The following LPIN2 variants were observed in gnomAD, a reference collection of about 807,000 sequenced individuals.
LPIN2 encodes lipin 2.
A neutral mutation model predicts 111.4 loss-of-function variants in LPIN2; 55 were observed. That is an observed-to-expected ratio of 0.49 (90% CI 0.40 to 0.62). LPIN2 has a LOEUF of 0.62. Among genes scored for constraint, LPIN2 ranks in the 20% least tolerant of loss-of-function variants. The pLI is 0.00. For synonymous variants in LPIN2, 425 were observed against 414.0 expected (o/e 1.03, Z -0.32); for missense variants, 992 against 1,112.1 (o/e 0.89, Z 1.54).
rs754948571 is a variant in LPIN2, at chr18:2,929,208, A to G, written c.1457-50T>C. On this transcript the variant is annotated intron_variant, in intron 9 of 19. Coordinates refer to ENST00000677752, the MANE Select transcript of LPIN2 (RefSeq NM_001375808.2). Reference sequence around the variant, plus strand: ...TTGGTTAGAGATTACATAAATCCCTATATGAGATTATAATACTCTCTGCAT... The same window carrying G: ...TTGGTTAGAGATTACATAAATCCCTGTATGAGATTATAATACTCTCTGCAT... 2.7e-6 allele frequency: 3 copies of G among 1,131,870 alleles called. No individual in the cohort carries two copies. The South Asian group carries it at 3.7e-5, about 14-fold the overall frequency. The allele number at this position is 1,131,870 out of a possible 1,614,324, so 70.1% of individuals were successfully genotyped here.
At chr18:2,929,682 G>A (rs896806954) in intron 9 of LPIN2, among the ~76,000 whole-genome samples, 4 of 152,176 alleles carry the variant, frequency 2.6e-5, no homozygotes, top group South Asian at 2.1e-4. Context: ...GATGTGGGCC[G>A]ATCACTTGAG....
intron 1 of LPIN2, among the ~76,000 whole-genome samples, chr18:2,963,529 T>C (rs967707493): frequency 6.6e-6 from 1 of 151,970 alleles, no homozygotes; most frequent in Admixed American, 6.5e-5. Flanking sequence ...TATTTTATCA[T>C]GAATGATGAG....
intron 19 of LPIN2, among the ~76,000 whole-genome samples, 164 bp from the exon 20 acceptor site, chr18:2,920,601 A>G (rs1026510626): frequency 1.3e-5 from 2 of 152,168 alleles, no homozygotes; most frequent in Admixed American, 1.3e-4. Context: ...CAAGTCTAGG[A>G]TAACCAGAGA....
Position 2,931,592 on chromosome 18 carries a change from AG to A in LPIN2, c.1269-150del, listed in dbSNP as rs1598532130. 24 of 745,662 alleles carry A rather than the reference AG, an allele frequency of 3.2e-5. No individual in the cohort carries two copies. In the East Asian group the frequency reaches 6.2e-4, roughly 19 times the overall value. 46.2% of individuals were successfully genotyped at this position (745,662 alleles called of 1,614,324 possible). On this transcript the variant is annotated intron_variant, in intron 8 of 19. Coordinates refer to ENST00000677752, the MANE Select transcript of LPIN2 (RefSeq NM_001375808.2). Reference sequence around the variant, plus strand: ...CAATCAGGCATAACTTTTCTTAGATAGGGTTTAGAATCATATCATAAATGAC... The same window carrying A: ...CAATCAGGCATAACTTTTCTTAGATAGGTTTAGAATCATATCATAAATGAC...
chr18:2,931,413 G>A lies in LPIN2; in HGVS notation c.1299C>T (p.Pro433=), dbSNP rs781673368. 24 of 1,602,818 alleles carry A rather than the reference G, an allele frequency of 1.5e-5. No homozygotes were observed. The highest frequency in any genetic ancestry group is 8.0e-5 in the African/African-American group (6 of 74,750). The change falls in exon 9 of 20, where the codon CCC becomes CCT. Residue 433 remains proline, a synonymous_variant. Coordinates refer to ENST00000677752, the MANE Select transcript of LPIN2 (RefSeq NM_001375808.2). ...GGGAGCCAGAGAGTGTGTCAGACTC[G>A]GGCCACTGCCTGGAACCGGGCTCCG... ...SESEPGSRQW[P]ESDTLSGSQS...
At chr18:2,937,563 AAAAAAAAAG>A in intron 7 of LPIN2, 120 bp downstream of exon 7, 2 of 708,188 alleles carry the variant, frequency 2.8e-6, no homozygotes, top group Non-Finnish European at 2.3e-6. Context: ...AAAAAAAAAA[AAAAAAAAAG>A]TGCGACGGGT....
chr18:2,923,972 G>C (rs1350839407), intron 15 of LPIN2, 111 bp from the exon 16 acceptor site: 1 of 861,420 alleles, frequency 1.2e-6, no homozygotes, highest in Non-Finnish European at 1.9e-6. Flanking sequence ...GGACACTCTT[G>C]AAAGGGGATT....
At chr18:2,922,447 T>C (rs2077069369) in intron 16 of LPIN2, among the ~76,000 whole-genome samples, 1 of 152,068 alleles carries the variant, frequency 6.6e-6, no homozygotes, top group South Asian at 2.1e-4. Context: ...GCTTAATTTT[T>C]ATATTTTTTA....
chr18:2,963,461 G>T (rs1008128204), intron 1 of LPIN2, among the ~76,000 whole-genome samples: 1 of 151,946 alleles, frequency 6.6e-6, no homozygotes, highest in African/African-American at 2.4e-5. Flanking sequence ...GATACACAAT[G>T]ATGTAACCCA....
intron 5 of LPIN2, among the ~76,000 whole-genome samples, chr18:2,940,403 A>C (rs1238937159): frequency 2.0e-5 from 3 of 152,238 alleles, no homozygotes; most frequent in Admixed American, 2.0e-4. Context: ...ACAACTGGCC[A>C]ACACTGTTAG....
intron 4 of LPIN2, among the ~76,000 whole-genome samples, chr18:2,941,498 C>T (rs952206774): frequency 2.6e-5 from 4 of 152,194 alleles, no homozygotes; most frequent in African/African-American, 9.7e-5. Flanking sequence ...TTGAAAACAT[C>T]CCTCAGAAGC....
intron 1 of LPIN2, among the ~76,000 whole-genome samples, chr18:3,007,167 T>G (rs111832840): frequency 0.048 from 7,322 of 152,216 alleles, 570 homozygotes; most frequent in African/African-American, 0.17. Flanking sequence ...TAGTTAGTTA[T>G]TTATTTTTAT....
intron 1 of LPIN2, among the ~76,000 whole-genome samples, chr18:2,968,800 T>G (rs1246058491): frequency 1.3e-5 from 2 of 152,108 alleles, no homozygotes; most frequent in African/African-American, 4.8e-5. Context: ...GGGCAATGGG[T>G]GCAATCAGTG....
chr18:3,001,641 T>C (rs776860873), intron 1 of LPIN2, among the ~76,000 whole-genome samples: 5 of 152,082 alleles, frequency 3.3e-5, no homozygotes, highest in African/African-American at 1.2e-4. Flanking sequence ...CAGTAGTGTA[T>C]GCATACAAGC....
In LPIN2 at chr18:2,954,542, C is replaced by T. The variant is rs1568565424; in HGVS notation, c.250G>A (p.Gly84Arg). The change falls in exon 3 of 20, where the codon GGA becomes AGA. Residue 84 changes from glycine to arginine, a missense_variant. Coordinates refer to ENST00000677752, the MANE Select transcript of LPIN2 (RefSeq NM_001375808.2). ...VDLHMKLGDN[G>R]EAFFVEETEE... ...GTCTCCTCAACAAAGAAAGCTTCTC[C>T]GTTATCACCCAACTTCATGTGAAGA... 2.5e-6 allele frequency: 4 copies of T among 1,613,976 alleles called. No homozygotes were observed. Among genetic ancestry groups the T allele is most frequent in the East Asian group, 2.2e-5 (1 of 44,884 alleles).
chr18:2,954,889 A>G (rs1001760737), intron 2 of LPIN2, among the ~76,000 whole-genome samples: 2 of 151,692 alleles, frequency 1.3e-5, no homozygotes, highest in African/African-American at 2.4e-5. Flanking sequence ...GGGAAATATT[A>G]TTGTCAAACA....
At chr18:2,995,919 T>C (rs1050703899) in intron 1 of LPIN2, among the ~76,000 whole-genome samples, 8 of 152,232 alleles carry the variant, frequency 5.3e-5, no homozygotes, top group African/African-American at 1.9e-4. Context: ...TGTAAGTTTC[T>C]GGTCATATTC....
chr18:2,939,102 A>T (rs944201179), intron 6 of LPIN2, among the ~76,000 whole-genome samples: 2 of 152,246 alleles, frequency 1.3e-5, no homozygotes, highest in African/African-American at 4.8e-5. Context: ...TTAAGGCTGC[A>T]GTGAGTTGTG....
intron 1 of LPIN2, among the ~76,000 whole-genome samples, chr18:2,972,194 A>C (rs1475977332): frequency 6.6e-6 from 1 of 152,194 alleles, no homozygotes; most frequent in African/African-American, 2.4e-5. Flanking sequence ...AACTTGCATA[A>C]ATCTAGTCTA....
Sources: gnomAD v4.1 joint callset for allele counts (sites outside exome capture counted in the v4.1 genomes callset) on GRCh38, gnomAD v4.1.1 for gene constraint, MANE v1.5 for transcripts, NCBI Gene and HGNC (gene_info 2026-07-23, HGNC 2026-07-21) for gene names.